PRKAR2A: variants seen among roughly 807,000 people sequenced by gnomAD.
PRKAR2A encodes protein kinase cAMP-dependent type II regulatory subunit alpha, also known as cAMP-dependent protein kinase type II-alpha regulatory subunit.
PRKAR2A carries 29 observed loss-of-function variants against 51.9 expected under a neutral mutation model. The observed-to-expected ratio is 0.56, with a 90% CI of 0.42 to 0.76. The LOEUF is 0.76. Ranked by LOEUF, PRKAR2A falls within the 30% of genes least tolerant of loss-of-function variation. The probability of loss-of-function intolerance (pLI) is 0.00; values close to 1 mark genes in which losing one functional copy is unlikely to be tolerated. For missense variants in PRKAR2A, 445 were observed against 512.1 expected, an observed-to-expected ratio of 0.87 and a Z score of 1.26; for synonymous variants, 178 against 186.2, an observed-to-expected ratio of 0.96 and a Z score of 0.36.
chr3:48,833,774 G>A (rs1292225073), intron 1 of PRKAR2A, among the ~76,000 whole-genome samples: 6 of 144,062 alleles, frequency 4.2e-5, no homozygotes, highest in Admixed American at 2.1e-4. Context: ...AGTGGCTCAC[G>A]CCTGTATTCC....
chr3:48,818,032 T>C (rs1356191438), intron 1 of PRKAR2A, among the ~76,000 whole-genome samples: 1 of 152,178 alleles, frequency 6.6e-6, no homozygotes, highest in East Asian at 1.9e-4. Flanking sequence ...TTGTTTTCCA[T>C]TCCCAAATGT....
chr3:48,754,205 T>G (rs2081716024), intron 9 of PRKAR2A, among the ~76,000 whole-genome samples: 1 of 151,354 alleles, frequency 6.6e-6, no homozygotes, highest in Non-Finnish European at 1.5e-5. Flanking sequence ...AGGCCAAAAC[T>G]ATTGTTTTCA....
At chr3:48,846,713 A>C (rs900500748) in intron 1 of PRKAR2A, among the ~76,000 whole-genome samples, 1 of 152,200 alleles carries the variant, frequency 6.6e-6, no homozygotes, top group African/African-American at 2.4e-5. Flanking sequence ...GTTTTTAAAA[A>C]TAGGAATATT....
chr3:48,808,095 T>C (rs2082704796), intron 1 of PRKAR2A, among the ~76,000 whole-genome samples: 1 of 149,918 alleles, frequency 6.7e-6, no homozygotes, highest in Admixed American at 6.7e-5. Context: ...TAGCCCAGGC[T>C]GGAATGCAGT....
chr3:48,814,532 C>T (rs1433933166), intron 1 of PRKAR2A, among the ~76,000 whole-genome samples: 10 of 152,214 alleles, frequency 6.6e-5, no homozygotes. Flanking sequence ...AGAAAGTTAA[C>T]AGGTTTTCAA....
intron 1 of PRKAR2A, among the ~76,000 whole-genome samples, chr3:48,835,034 C>T (rs1340839471): frequency 3.3e-5 from 5 of 149,788 alleles, no homozygotes; most frequent in African/African-American, 7.4e-5. Flanking sequence ...TGCAGTGGCA[C>T]GATCTCAGGT....
chr3:48,846,361 C>T (rs1399235141), intron 1 of PRKAR2A, among the ~76,000 whole-genome samples: 2 of 152,060 alleles, frequency 1.3e-5, no homozygotes, highest in East Asian at 1.9e-4. Context: ...GGACTACAGA[C>T]GCCCGCCACC....
chr3:48,755,927 C>T (rs1474209309), intron 9 of PRKAR2A, among the ~76,000 whole-genome samples: 3 of 151,920 alleles, frequency 2.0e-5, no homozygotes, highest in African/African-American at 7.3e-5. Context: ...TACAGGCGCC[C>T]GCCACCATGC....
At chr3:48,778,245 C>T (rs1357577236) in intron 5 of PRKAR2A, among the ~76,000 whole-genome samples, 1 of 152,112 alleles carries the variant, frequency 6.6e-6, no homozygotes, top group Non-Finnish European at 1.5e-5. Flanking sequence ...TCCATATCGG[C>T]CTCCCAAAGT....
At chr3:48,841,201 T>C (rs999802204) in intron 1 of PRKAR2A, among the ~76,000 whole-genome samples, 6 of 151,718 alleles carry the variant, frequency 4.0e-5, no homozygotes, top group Non-Finnish European at 8.8e-5. Context: ...CTGTAAATAA[T>C]GCTGCAATGA....
At chr3:48,771,658 A>G (rs2082030495) in intron 6 of PRKAR2A, among the ~76,000 whole-genome samples, 1 of 152,052 alleles carries the variant, frequency 6.6e-6, no homozygotes, top group African/African-American at 2.4e-5. Flanking sequence ...CCTGGACTCA[A>G]TCCTCCCACC....
intron 5 of PRKAR2A, among the ~76,000 whole-genome samples, chr3:48,775,681 T>C (rs1020484193): frequency 1.3e-5 from 2 of 152,090 alleles, no homozygotes; most frequent in African/African-American, 4.8e-5. Context: ...TAATCAAAGA[T>C]ACTGCAAAAG....
At chr3:48,832,717 A>C (rs1189108439) in intron 1 of PRKAR2A, among the ~76,000 whole-genome samples, 1 of 152,114 alleles carries the variant, frequency 6.6e-6, no homozygotes, top group East Asian at 1.9e-4. Flanking sequence ...GGGCTAACTC[A>C]CAGGCAGTGC....
chr3:48,775,438 AAAAC>A (rs536713204), intron 5 of PRKAR2A, among the ~76,000 whole-genome samples: 62 of 151,506 alleles, frequency 4.1e-4, no homozygotes, highest in African/African-American at 5.8e-4. Context: ...GCTCTGTCTC[AAAAC>A]AAACAAACAA....
At chr3:48,838,100 C>A (rs1363015995) in intron 1 of PRKAR2A, among the ~76,000 whole-genome samples, 2 of 152,078 alleles carry the variant, frequency 1.3e-5, no homozygotes, top group Non-Finnish European at 2.9e-5. Context: ...ATGGCGTGAA[C>A]CCAGGAGGCG....
intron 1 of PRKAR2A, among the ~76,000 whole-genome samples, chr3:48,830,816 A>C (rs1377332438): frequency 6.6e-6 from 1 of 152,202 alleles, no homozygotes; most frequent in Non-Finnish European, 1.5e-5. Context: ...GGAGTGATGA[A>C]ACACAGTGAC....
At chr3:48,829,869 ATAT>A (rs1244001031) in intron 1 of PRKAR2A, among the ~76,000 whole-genome samples, 26 of 76,850 alleles carry the variant, frequency 3.4e-4, no homozygotes, top group East Asian at 1.2e-3. Context: ...ATATATATAT[ATAT>A]TTTTTTTTTT....
intron 5 of PRKAR2A, 120 bp from the exon 6 acceptor site, chr3:48,773,228 T>C (rs1206788285): frequency 3.9e-6 from 3 of 772,766 alleles, no homozygotes; most frequent in Admixed American, 3.2e-5. Context: ...TTTGCTAGTA[T>C]ATAAAAAAAA....
rs761774391 is a variant in PRKAR2A at position 48,750,587 on chromosome 3, C to T, written c.*998G>A. The T allele has an allele frequency of 6.6e-6, 1 of 152,406 alleles. No homozygotes were observed. The highest frequency in any genetic ancestry group is 1.5e-5 in the Non-Finnish European group (1 of 68,022). 9.4% of individuals were successfully genotyped at this position (152,406 alleles called of 1,614,324 possible). On this transcript the variant is annotated 3_prime_UTR_variant, in exon 11 of 11. Coordinates refer to ENST00000265563, the MANE Select transcript of PRKAR2A (RefSeq NM_004157.4). ...TCGGTTCAATGGCAAAGCTACACAA[C>T]AACTCTGGAGTAGAAGGAAAGAACT...
Sources: gnomAD v4.1 joint callset for allele counts (sites outside exome capture counted in the v4.1 genomes callset) on GRCh38, gnomAD v4.1.1 for gene constraint, MANE v1.5 for transcripts, NCBI Gene and HGNC (gene_info 2026-07-23, HGNC 2026-07-21) for gene names.